Variants in PDE7A observed in about 807,000 individuals in gnomAD.
PDE7A encodes high affinity 3',5'-cyclic-AMP phosphodiesterase 7A.
PDE7A carries 39 observed loss-of-function variants against 64.3 expected under a neutral mutation model. That is an observed-to-expected ratio of 0.61 (90% CI 0.47 to 0.79). The LOEUF (loss-of-function observed/expected upper bound fraction) is 0.79. Ranked by LOEUF, PDE7A falls within the 30% of genes least tolerant of loss-of-function variation. The pLI is 0.00. For missense variants in PDE7A, 470 were observed against 582.8 expected (o/e 0.81, Z 1.99); for synonymous variants, 203 against 206.8 (o/e 0.98, Z 0.16).
At chr8:65,825,643 G>A (rs958746298) in intron 1 of PDE7A, among the ~76,000 whole-genome samples, 11 of 152,126 alleles carry the variant, frequency 7.2e-5, no homozygotes, top group Admixed American at 6.5e-4. Flanking sequence ...GAATCTTGGA[G>A]GAGGTAGGTG....
intron 1 of PDE7A, among the ~76,000 whole-genome samples, chr8:65,835,743 T>A (rs553843512): frequency 1.3e-5 from 2 of 152,304 alleles, no homozygotes; most frequent in East Asian, 3.9e-4. Context: ...TTGCAGACTT[T>A]GGTGTTTAAG....
chr8:65,815,698 T>G (rs1346094575), intron 1 of PDE7A, among the ~76,000 whole-genome samples: 1 of 152,170 alleles, frequency 6.6e-6, no homozygotes, highest in Non-Finnish European at 1.5e-5. Flanking sequence ...GAATTATACA[T>G]TGCTAAGATC....
chr8:65,841,338 G>A (rs760610587), intron 1 of PDE7A, 33 bp downstream of exon 1: 3 of 1,494,664 alleles, frequency 2.0e-6, no homozygotes, highest in Non-Finnish European at 2.7e-6. Context: ...AAAGAGAGAA[G>A]CCCTCAAGTG....
intron 7 of PDE7A, among the ~76,000 whole-genome samples, chr8:65,731,986 ATTGTTG>A (rs59755336): frequency 1.1e-4 from 15 of 138,766 alleles, no homozygotes; most frequent in Admixed American, 4.3e-4. Context: ...TATTATTATT[ATTGTTG>A]TTGTTGTTGT....
intron 3 of PDE7A, among the ~76,000 whole-genome samples, chr8:65,751,584 C>T (rs751003032): frequency 1.8e-4 from 27 of 152,258 alleles, no homozygotes; most frequent in Admixed American, 1.2e-3. Context: ...CCTCCGCCTC[C>T]GGGGTTCAAG....
intron 1 of PDE7A, among the ~76,000 whole-genome samples, chr8:65,817,708 C>A (rs568855337): frequency 1.3e-5 from 2 of 150,342 alleles, no homozygotes; most frequent in African/African-American, 4.9e-5. Flanking sequence ...GAGAACACTA[C>A]AGAGGTGAAG....
chr8:65,818,862 T>A (rs1336114170), intron 1 of PDE7A, among the ~76,000 whole-genome samples: 1 of 152,118 alleles, frequency 6.6e-6, no homozygotes, highest in African/African-American at 2.4e-5. Context: ...TCCACAACAT[T>A]ACCCACCACT....
At chr8:65,757,445 G>A (rs1433578877) in intron 3 of PDE7A, among the ~76,000 whole-genome samples, 8 of 152,146 alleles carry the variant, frequency 5.3e-5, no homozygotes. Context: ...GTGCATGACT[G>A]TCTCCCAGGG....
At chr8:65,802,507 A>C (rs571073110) in intron 1 of PDE7A, among the ~76,000 whole-genome samples, 5 of 152,344 alleles carry the variant, frequency 3.3e-5, no homozygotes, top group African/African-American at 1.2e-4. Context: ...ATTCAAATCC[A>C]GTGTTTACTC....
At chr8:65,788,137 C>T (rs1317644741) in intron 1 of PDE7A, among the ~76,000 whole-genome samples, 1 of 151,808 alleles carries the variant, frequency 6.6e-6, no homozygotes, top group Non-Finnish European at 1.5e-5. Context: ...AAGTGATAGC[C>T]TTAAAAATTC....
intron 3 of PDE7A, chr8:65,771,014 T>G (rs574312143): frequency 2.7e-6 from 1 of 364,460 alleles, no homozygotes; most frequent in African/African-American, 2.2e-5. Context: ...GAAGATAAAT[T>G]TATAAGCCTT....
rs1161357513 is a variant in PDE7A at position 65,718,888 on chromosome 8, T to G, written c.*402A>C. On this transcript the variant is annotated 3_prime_UTR_variant, in exon 13 of 13. Transcript: ENST00000401827. ...CATTTCCATTTTCTCAGAGAGAACT[T>G]AGTGGAAGGTACAAGATACACATTG... 5.6e-6 allele frequency: 1 copy of G among 177,600 alleles called. No individual in the cohort carries two copies. The highest frequency in any genetic ancestry group is 1.2e-5 in the Non-Finnish European group (1 of 82,418). The allele number at this position is 177,600 out of a possible 1,614,324, so 11.0% of individuals were successfully genotyped here.
chr8:65,790,247 C>T (rs1057059048), intron 1 of PDE7A, among the ~76,000 whole-genome samples: 6 of 152,192 alleles, frequency 3.9e-5, no homozygotes, highest in Admixed American at 2.0e-4. Context: ...CCAGGCCCTA[C>T]GAGGGCCATG....
Position 65,745,419 on chromosome 8 carries a change from T to G in PDE7A, c.487A>C (p.Arg163=). ...NWNFDIFLFD[R]LTNGNSLVSL... is the part of the protein sequence containing the mutation. ...ATTCTTCACTTACCATTTGTTAGTCTATCAAATAGAAAGATATCAAAATTC... is the reference window on the plus strand; with the variant it reads ...ATTCTTCACTTACCATTTGTTAGTCGATCAAATAGAAAGATATCAAAATTC... Residue 163 remains arginine, a synonymous_variant, in exon 5 of 13, where the codon AGA becomes CGA. Transcript: ENST00000401827. 1 of 1,560,824 alleles carries G rather than the reference T, an allele frequency of 6.4e-7. No individual in the cohort carries two copies. Among genetic ancestry groups the G allele is most frequent in the South Asian group, 1.1e-5 (1 of 89,976 alleles).
intron 1 of PDE7A, among the ~76,000 whole-genome samples, chr8:65,815,263 T>C (rs923842723): frequency 3.9e-5 from 6 of 152,190 alleles, no homozygotes; most frequent in Non-Finnish European, 7.4e-5. Flanking sequence ...CCCTAACTTA[T>C]AAGAGCCATT....
chr8:65,746,142 A>G (rs1227036556), intron 4 of PDE7A, among the ~76,000 whole-genome samples: 2 of 146,858 alleles, frequency 1.4e-5, no homozygotes, highest in Non-Finnish European at 3.0e-5. Context: ...CATGCTGCCC[A>G]GGGCTGGTTT....
chr8:65,768,402 T>C (rs1365924736), intron 3 of PDE7A, among the ~76,000 whole-genome samples: 1 of 152,150 alleles, frequency 6.6e-6, no homozygotes, highest in Non-Finnish European at 1.5e-5. Context: ...ATTCTCATGA[T>C]AGTGAATAAG....
intron 1 of PDE7A, among the ~76,000 whole-genome samples, chr8:65,798,070 G>A (rs1809885694): frequency 6.7e-6 from 1 of 149,168 alleles, no homozygotes; most frequent in African/African-American, 2.5e-5. Flanking sequence ...AAAAGGCACA[G>A]ACTCAGAGAA....
At chr8:65,817,994 C>T (rs564442816) in intron 1 of PDE7A, among the ~76,000 whole-genome samples, 2 of 152,152 alleles carry the variant, frequency 1.3e-5, no homozygotes, top group South Asian at 2.1e-4. Context: ...CCTCGTGATC[C>T]GCCCGCCTCG....
Sources: allele counts gnomAD v4.1 joint callset (sites outside exome capture counted in the v4.1 genomes callset), GRCh38; gene constraint gnomAD v4.1.1; transcripts MANE v1.5; gene names NCBI Gene and HGNC (gene_info 2026-07-23, HGNC 2026-07-21).